PTPRD: variants seen among roughly 807,000 people sequenced by gnomAD.
The protein encoded by PTPRD is protein tyrosine phosphatase receptor type D.
In PTPRD, 34 loss-of-function variants were observed where a neutral mutation model predicts 214.5. The ratio of observed to expected loss-of-function variants is 0.16; its 90% CI spans 0.12 to 0.21. The LOEUF (loss-of-function observed/expected upper bound fraction) is 0.21, where lower values mean the gene tolerates loss of function less well. PTPRD is among the 10% of genes least tolerant of loss of function. The probability of loss-of-function intolerance (pLI) is 1.00; values close to 1 mark genes in which losing one functional copy is unlikely to be tolerated. For synonymous variants in PTPRD, 1,128 were observed against 845.7 expected, an observed-to-expected ratio of 1.33 and a Z score of -5.79; for missense variants, 2,545 against 2,398.7, an observed-to-expected ratio of 1.06 and a Z score of -1.27.
At chr9:10,381,882 A>G (rs879809053) in intron 2 of PTPRD, among the ~76,000 whole-genome samples, 17 of 151,954 alleles carry the variant, frequency 1.1e-4, no homozygotes, top group East Asian at 5.8e-4. Context: ...AGTTTTCCCA[A>G]TGTAAAAAGT....
intron 9 of PTPRD, among the ~76,000 whole-genome samples, chr9:9,339,371 A>T (rs539694745): frequency 6.6e-6 from 1 of 151,896 alleles, no homozygotes; most frequent in Non-Finnish European, 1.5e-5. Context: ...CTGTAGTCCC[A>T]GCTACTCGGG....
At chr9:9,281,142 G>T (rs1364889952) in intron 9 of PTPRD, among the ~76,000 whole-genome samples, 2 of 151,192 alleles carry the variant, frequency 1.3e-5, no homozygotes, top group African/African-American at 4.8e-5. Context: ...TTAAAATGCA[G>T]AACTGTATAA....
intron 11 of PTPRD, among the ~76,000 whole-genome samples, chr9:8,781,162 C>A (rs62528836): frequency 0.11 from 16,375 of 152,150 alleles, 956 homozygotes; most frequent in Non-Finnish European, 0.13. Context: ...GCCTTGGTAC[C>A]ACTTCAAGAC....
chr9:9,999,272 G>A (rs1205012378), intron 4 of PTPRD, among the ~76,000 whole-genome samples: 1 of 152,160 alleles, frequency 6.6e-6, no homozygotes, highest in Non-Finnish European at 1.5e-5. Flanking sequence ...AAAGCTAAGG[G>A]AGCAACCCCT....
chr9:10,591,006 T>C (rs1200227919), intron 2 of PTPRD, among the ~76,000 whole-genome samples: 1 of 151,968 alleles, frequency 6.6e-6, no homozygotes, highest in African/African-American at 2.4e-5. Context: ...TTGACTTTTT[T>C]GTGGATAAAA....
rs189192359 is a variant in PTPRD, at chr9:10,556,578, T to A, written c.-600+55820A>T. Among the ~76,000 whole-genome samples, 10 of 152,224 alleles carry A rather than the reference T, an allele frequency of 6.6e-5. No individual in the cohort carries two copies. In the East Asian group the frequency reaches 1.9e-3, roughly 29 times the overall value. On this transcript the variant is annotated intron_variant, in intron 2 of 45. Transcript: ENST00000381196. ...TTTAAAAGTCCTTAATAATTGTTAC[T>A]TTTCCTGTTTTTAATCCCTAGGCTC...
chr9:10,158,569 G>A (rs576803695), intron 3 of PTPRD, among the ~76,000 whole-genome samples: 1 of 152,138 alleles, frequency 6.6e-6, no homozygotes, highest in Non-Finnish European at 1.5e-5. Context: ...ACATAATGCT[G>A]TGGTTATTAC....
At chr9:9,896,229 C>T (rs2074937241) in intron 5 of PTPRD, among the ~76,000 whole-genome samples, 1 of 151,994 alleles carries the variant, frequency 6.6e-6, no homozygotes, top group East Asian at 1.9e-4. Context: ...TGACTATTTC[C>T]ATGATATCAG....
At chr9:8,374,559 T>C (rs1158864015) in intron 39 of PTPRD, among the ~76,000 whole-genome samples, 2 of 151,976 alleles carry the variant, frequency 1.3e-5, no homozygotes, top group African/African-American at 4.8e-5. Context: ...TAGATAAGAC[T>C]TGAGGCCGAT....
intron 14 of PTPRD, among the ~76,000 whole-genome samples, chr9:8,568,180 C>T (rs2089992488): frequency 1.3e-5 from 2 of 152,080 alleles, no homozygotes; most frequent in African/African-American, 4.8e-5. Flanking sequence ...GTTTTAAATA[C>T]AAGTGTTCTA....
At chr9:10,410,856 G>C (rs559084781) in intron 2 of PTPRD, among the ~76,000 whole-genome samples, 1 of 151,868 alleles carries the variant, frequency 6.6e-6, no homozygotes, top group South Asian at 2.1e-4. Flanking sequence ...GTTAAGACTA[G>C]TGTGTTTGGA....
At chr9:8,606,404 C>T (rs1205900270) in intron 14 of PTPRD, among the ~76,000 whole-genome samples, 1 of 152,170 alleles carries the variant, frequency 6.6e-6, no homozygotes, top group Non-Finnish European at 1.5e-5. Context: ...TAGCATCTTA[C>T]AGGGGCCTCT....
chr9:8,910,997 T>C (rs1566955525), intron 11 of PTPRD, among the ~76,000 whole-genome samples: 1 of 152,218 alleles, frequency 6.6e-6, no homozygotes, highest in Non-Finnish European at 1.5e-5. Flanking sequence ...TTAAAGACAC[T>C]ATTATTAAAA....
At chr9:9,341,767 T>A (rs899689722) in intron 9 of PTPRD, among the ~76,000 whole-genome samples, 1 of 152,088 alleles carries the variant, frequency 6.6e-6, no homozygotes, top group Non-Finnish European at 1.5e-5. Flanking sequence ...ATATGTAGAC[T>A]GAAAGAATTC....
At chr9:8,943,544 A>C (rs2099046109) in intron 11 of PTPRD, among the ~76,000 whole-genome samples, 1 of 151,058 alleles carries the variant, frequency 6.6e-6, no homozygotes, top group Non-Finnish European at 1.5e-5. Flanking sequence ...TTCTTCAATA[A>C]ATAATAAATT....
intron 11 of PTPRD, among the ~76,000 whole-genome samples, chr9:8,831,560 G>GA (rs1226034817): frequency 6.6e-6 from 1 of 152,068 alleles, no homozygotes; most frequent in African/African-American, 2.4e-5. Flanking sequence ...AATAGAAAGA[G>GA]AAACAACTGG....
intron 10 of PTPRD, among the ~76,000 whole-genome samples, chr9:9,039,925 T>C (rs891289365): frequency 2.0e-5 from 3 of 152,030 alleles, no homozygotes; most frequent in African/African-American, 2.4e-5. Flanking sequence ...TATTGTCACC[T>C]GGGCCTGTTT....
chr9:9,423,862 A>C (rs1408079224), intron 8 of PTPRD, among the ~76,000 whole-genome samples: 1 of 152,238 alleles, frequency 6.6e-6, no homozygotes, highest in Non-Finnish European at 1.5e-5. Context: ...TAAATAATGC[A>C]GAAAAAAATA....
At chr9:10,159,942 T>A (rs2099117451) in intron 3 of PTPRD, among the ~76,000 whole-genome samples, 1 of 152,056 alleles carries the variant, frequency 6.6e-6, no homozygotes, top group Non-Finnish European at 1.5e-5. Flanking sequence ...GAAACTTCCC[T>A]TCATTCACAA....
Sources: gnomAD v4.1 joint callset for allele counts (sites outside exome capture counted in the v4.1 genomes callset) on GRCh38, gnomAD v4.1.1 for gene constraint, MANE v1.5 for transcripts, NCBI Gene and HGNC (gene_info 2026-07-23, HGNC 2026-07-21) for gene names.